Variants in OPTN observed in about 807,000 individuals in gnomAD.
OPTN encodes the protein optineurin, also known as E3-14.7K-interacting protein.
OPTN carries 54 observed loss-of-function variants against 70.4 expected under a neutral mutation model. The observed-to-expected ratio is 0.77, with a 90% confidence interval of 0.62 to 0.96. The LOEUF (loss-of-function observed/expected upper bound fraction) is 0.96, where lower values mean the gene tolerates loss of function less well. OPTN is among the 40% of genes least tolerant of loss of function. The pLI, the probability that OPTN is intolerant of heterozygous loss-of-function variation, is 0.00. For synonymous variants in OPTN, 256 were observed against 248.5 expected, an observed-to-expected ratio of 1.03 and a Z score of -0.28; for missense variants, 624 against 673.2, an observed-to-expected ratio of 0.93 and a Z score of 0.81.
intron 12 of OPTN, among the ~76,000 whole-genome samples, 196 bp downstream of exon 12, chr10:13,128,099 T>C (rs1487518991): frequency 1.3e-5 from 2 of 152,266 alleles, no homozygotes; most frequent in Non-Finnish European, 1.5e-5. Context: ...TAATAGGTAA[T>C]TGGATTCTTT....
At position 13,112,564 on chromosome 10, in the gene OPTN, G is replaced by A. The variant is rs776058639; in HGVS notation, c.481G>A (p.Val161Met). The change falls in exon 5 of 15, where the codon GTG (valine) becomes ATG (methionine). Residue 161 changes from valine to methionine, a missense_variant. By Grantham distance (21) the Val-to-Met change is conservative. Coordinates refer to ENST00000378747, the MANE Select transcript of OPTN (RefSeq NM_001008212.2). ...AGAGAAGGCAGACCTGTTGGGCATC[G>A]TGTCTGAACTGCAGCTCAAGCTGAA... ...QAEKADLLGIVSELQLKLNSS... is the reference protein window; with the variant it reads ...QAEKADLLGIMSELQLKLNSS... The A allele has an allele frequency of 1.5e-5, 24 of 1,614,170 alleles. No individual in the cohort carries two copies. The East Asian group carries it at 2.9e-4, about 19-fold the overall frequency.
At position 13,137,451 on chromosome 10, in the gene OPTN, G is replaced by T; in HGVS notation, c.*585G>T. ...TTTTTATGTTTGGTTGATGCGAGCAGCTGCACTGCTCATGCAGTTAGCTAG... is the reference window on the plus strand; with the variant it reads ...TTTTTATGTTTGGTTGATGCGAGCATCTGCACTGCTCATGCAGTTAGCTAG... On this transcript the variant is annotated 3_prime_UTR_variant, in exon 15 of 15. Transcript: ENST00000378747. The T allele has an allele frequency of 4.3e-6, 1 of 232,774 alleles. No individual in the cohort carries two copies. The highest frequency in any genetic ancestry group is 5.2e-5 in the Admixed American group (1 of 19,106). The allele number at this position is 232,774 out of a possible 1,614,324, so 14.4% of individuals were successfully genotyped here. A position where few individuals can be genotyped will look rare whatever the true frequency, so the allele number is the denominator to read the frequency against.
At chr10:13,124,520 GTTAA>G (rs960046251) in intron 9 of OPTN, among the ~76,000 whole-genome samples, 3 of 152,180 alleles carry the variant, frequency 2.0e-5, no homozygotes, top group African/African-American at 7.2e-5. Context: ...ATTTCAATCA[GTTAA>G]TTATTTCAGG....
intron 14 of OPTN, among the ~76,000 whole-genome samples, chr10:13,135,935 C>A (rs1281844444): frequency 3.9e-5 from 6 of 152,160 alleles, no homozygotes; most frequent in African/African-American, 1.4e-4. Flanking sequence ...CACCTGTAAT[C>A]CCAGTACATG....
At chr10:13,128,259 T>TAATGCC (rs971106547) in intron 12 of OPTN, among the ~76,000 whole-genome samples, 5 of 152,182 alleles carry the variant, frequency 3.3e-5, no homozygotes, top group African/African-American at 9.7e-5. Flanking sequence ...TTTTAACAGG[T>TAATGCC]AATGCCAAAC....
chr10:13,114,806 A>ATACGT (rs1564358820), intron 5 of OPTN, among the ~76,000 whole-genome samples: 2 of 19,758 alleles, frequency 1.0e-4, no homozygotes, highest in Non-Finnish European at 3.2e-4. Flanking sequence ...ATATATACAT[A>ATACGT]TATATAATTA....
intron 6 of OPTN, chr10:13,116,614 T>G (rs947057072): frequency 1.8e-5 from 9 of 505,372 alleles, no homozygotes; most frequent in Non-Finnish European, 3.2e-5. Flanking sequence ...AGCAAACTGG[T>G]TCTCAATCAA....
intron 12 of OPTN, 80 bp downstream of exon 12, chr10:13,127,983 A>G: frequency 1.4e-6 from 2 of 1,477,200 alleles, no homozygotes; most frequent in Non-Finnish European, 1.9e-6. Flanking sequence ...GGTGTTTAGA[A>G]TGTTTGTAAT....
chr10:13,111,675 G>A (rs759985854), intron 4 of OPTN, among the ~76,000 whole-genome samples: 9 of 151,720 alleles, frequency 5.9e-5, no homozygotes, highest in African/African-American at 1.9e-4. Flanking sequence ...TCCAATGGGC[G>A]ACAGAGTGAG....
intron 12 of OPTN, 111 bp from the exon 13 acceptor site, chr10:13,131,956 T>C: frequency 2.9e-6 from 3 of 1,046,160 alleles, no homozygotes; most frequent in Non-Finnish European, 4.4e-6. Context: ...TGTGCATCTG[T>C]GATTCACAAG....
At position 13,100,169 on chromosome 10, in the gene OPTN, G is replaced by T. The variant is rs1161698629; in HGVS notation, c.-297G>T. The T allele has an allele frequency of 1.3e-5, 2 of 154,026 alleles. No individual in the cohort carries two copies. The highest frequency in any genetic ancestry group is 1.8e-4 in the South Asian group (1 of 5,494). 9.5% of individuals were successfully genotyped at this position (154,026 alleles called of 1,614,324 possible). A position where few individuals can be genotyped will look rare whatever the true frequency, so the allele number is the denominator to read the frequency against. ...CATCAGCCCTAGGCACCCCAGTCCC[G>T]GCTGCCCCCTCCGCCACCGCCGCCG... On this transcript the variant is annotated 5_prime_UTR_variant, in exon 1 of 15. Coordinates refer to ENST00000378747, the MANE Select transcript of OPTN (RefSeq NM_001008212.2).
intron 5 of OPTN, among the ~76,000 whole-genome samples, chr10:13,114,977 AT>A (rs1414686066): frequency 7.8e-4 from 6 of 7,658 alleles, no homozygotes; most frequent in African/African-American, 1.3e-3. Flanking sequence ...ATATATTTAT[AT>A]ATAGATATAT....
rs1001245683 is a variant in OPTN at position 13,115,583 on chromosome 10, A to T, written c.553-684A>T. ...TATTATACAATTAATATATAATTAC[A>T]TATATAACATTATATATTTATATAA... On this transcript the variant is annotated intron_variant, in intron 5 of 14. Transcript: ENST00000378747. Among the ~76,000 whole-genome samples the T allele has an allele frequency of 3.0e-5, 4 of 133,320 alleles. No homozygotes were observed. In the East Asian group the frequency reaches 8.4e-4, roughly 28 times the overall value. 87.5% of individuals were successfully genotyped at this position (133,320 alleles called of 152,430 possible). A position where few individuals can be genotyped will look rare whatever the true frequency, so the allele number is the denominator to read the frequency against.
chr10:13,101,564 T>G (rs1026842340), intron 1 of OPTN, among the ~76,000 whole-genome samples: 3 of 152,114 alleles, frequency 2.0e-5, no homozygotes, highest in African/African-American at 7.2e-5. Flanking sequence ...TTGATATATG[T>G]TCTTTGGAAT....
rs1377472390 is a variant in OPTN at position 13,116,807 on chromosome 10, C to T, written c.626+467C>T. On this transcript the variant is annotated intron_variant, in intron 6 of 14. Transcript: ENST00000378747. ...TCTTTTGTAACAATGACTGATAGCA[C>T]TCTCAGTCATTGTGGGTGTTGCCTG... is the stretch of plus-strand genomic sequence containing the variant. Among the ~76,000 whole-genome samples the T allele has an allele frequency of 1.3e-5, 2 of 152,204 alleles. 1 individual carries two copies. The highest frequency in any genetic ancestry group is 3.8e-4 in the East Asian group (2 of 5,198).
intron 12 of OPTN, 132 bp downstream of exon 12, chr10:13,128,035 C>G: frequency 9.3e-7 from 1 of 1,070,572 alleles, no homozygotes; most frequent in South Asian, 1.4e-5. Context: ...TGTATTAAAA[C>G]TTTAAAATTG....
intron 4 of OPTN, among the ~76,000 whole-genome samples, chr10:13,111,190 G>A (rs565821927): frequency 5.9e-5 from 9 of 152,274 alleles, no homozygotes; most frequent in African/African-American, 2.2e-4. Context: ...AGGGCAGGAG[G>A]TTGGGTGGTG....
At chr10:13,112,798 G>A (rs549274518) in intron 5 of OPTN, among the ~76,000 whole-genome samples, 163 bp downstream of exon 5, 10 of 152,164 alleles carry the variant, frequency 6.6e-5, no homozygotes, top group Admixed American at 4.6e-4. Flanking sequence ...CATAATGCAT[G>A]TAAGGGTTAT....
intron 14 of OPTN, among the ~76,000 whole-genome samples, chr10:13,135,652 G>C (rs1251523467): frequency 1.3e-5 from 2 of 152,050 alleles, no homozygotes; most frequent in African/African-American, 4.8e-5. Context: ...ATACATCCCA[G>C]AGGATTCAAA....
Sources: gnomAD v4.1 joint callset for allele counts (sites outside exome capture counted in the v4.1 genomes callset) on GRCh38, gnomAD v4.1.1 for gene constraint, MANE v1.5 for transcripts, NCBI Gene and HGNC (gene_info 2026-07-23, HGNC 2026-07-21) for gene names.